The following PALM2AKAP2 variants were observed in gnomAD, a reference collection of about 807,000 sequenced individuals.
PALM2AKAP2 encodes the protein PALM2 and AKAP2 fusion.
Under a neutral mutation model 71.5 loss-of-function variants are expected in PALM2AKAP2, and 37 were observed. The ratio of observed to expected loss-of-function variants is 0.52; its 90% CI spans 0.40 to 0.68. The LOEUF is 0.68. Among genes scored for constraint, PALM2AKAP2 ranks in the 30% least tolerant of loss-of-function variants. PALM2AKAP2 has a pLI of 0.00. For synonymous variants in PALM2AKAP2, 468 were observed against 478.8 expected, an observed-to-expected ratio of 0.98 and a Z score of 0.29; for missense variants, 1,224 against 1,191.8, an observed-to-expected ratio of 1.03 and a Z score of -0.40.
chr9:109,793,455 G>A lies in PALM2AKAP2; in HGVS notation c.45+12922G>A, dbSNP rs547137250. Among the ~76,000 whole-genome samples the A allele has an allele frequency of 3.9e-5, 6 of 152,354 alleles. No homozygotes were observed. The South Asian group carries it at 1.0e-3, about 26-fold the overall frequency. On this transcript the variant is annotated intron_variant, in intron 1 of 9. Transcript: ENST00000302798. ...CAGTGCCCTGTGGTGGGTAGAAGATGAGTCACACAGTGATCACAACCAGAT... is the reference window on the plus strand; with the variant it reads ...CAGTGCCCTGTGGTGGGTAGAAGATAAGTCACACAGTGATCACAACCAGAT...
chr9:110,129,448 A>G (rs189985788), intron 1 of PALM2AKAP2, among the ~76,000 whole-genome samples: 2 of 152,340 alleles, frequency 1.3e-5, no homozygotes, highest in East Asian at 3.9e-4. Flanking sequence ...CCACCTTCAA[A>G]TCCTGGCTAG....
intron 1 of PALM2AKAP2, among the ~76,000 whole-genome samples, chr9:109,844,440 T>A (rs1360309852): frequency 6.6e-6 from 1 of 152,128 alleles, no homozygotes; most frequent in Admixed American, 6.5e-5. Context: ...GGAAAAAAAA[T>A]AGTGCAACCC....
rs139246251 is a variant in PALM2AKAP2, at chr9:110,015,995, G to A, written c.538G>A (p.Ala180Thr). The change falls in exon 7 of 10, where the codon GCC (alanine) becomes ACC (threonine). Residue 180 changes from alanine to threonine, a missense_variant. Transcript: ENST00000302798. ...TGTGCTGCTAAAGGAAGGTGAGTCA[G>A]CCTCGAACGCCACAGAAACATCCGG... is the stretch of plus-strand genomic sequence containing the variant. 47 of 1,613,956 alleles carry A rather than the reference G, an allele frequency of 2.9e-5. No individual in the cohort carries two copies. The African/African-American group carries it at 4.9e-4, about 17-fold the overall frequency.
Position 110,138,187 on chromosome 9 carries a change from G to A in PALM2AKAP2, c.2217G>A (p.Ala739=), listed in dbSNP as rs12338163. 7,794 of 1,613,910 alleles carry A rather than the reference G, an allele frequency of 4.8e-3. 310 individuals carry two copies. The African/African-American group carries it at 0.092, about 19-fold the overall frequency. Residue 739 remains alanine, a synonymous_variant, in exon 2 of 4, where the codon GCG becomes GCA. Transcript: ENST00000374525. ...AGATTCTGCCTGCTGAAGACAGGGC[G>A]CTCAGGGAAAGGGGGCCCCCCCAGC... is the stretch of plus-strand genomic sequence containing the variant.
At chr9:109,961,648 G>C (rs547185570) in intron 6 of PALM2AKAP2, among the ~76,000 whole-genome samples, 2 of 152,344 alleles carry the variant, frequency 1.3e-5, no homozygotes, top group East Asian at 3.9e-4. Context: ...GGGCATCTCT[G>C]CTTTGTCAAC....
At chr9:110,024,943 C>G in intron 7 of PALM2AKAP2, 1 of 1,394,550 alleles carries the variant, frequency 7.2e-7, no homozygotes, top group Non-Finnish European at 1.0e-6. Context: ...TTGGTTCTCA[C>G]AAAGTGTGCT....
intron 1 of PALM2AKAP2, among the ~76,000 whole-genome samples, chr9:109,667,141 A>T (rs538995593): frequency 2.8e-4 from 42 of 152,274 alleles, no homozygotes; most frequent in African/African-American, 9.6e-4. Context: ...TCAATTGAAG[A>T]TTCATAGGCC....
At chr9:110,153,570 A>G (rs1318904380) in intron 2 of PALM2AKAP2, among the ~76,000 whole-genome samples, 1 of 152,248 alleles carries the variant, frequency 6.6e-6, no homozygotes, top group Non-Finnish European at 1.5e-5. Flanking sequence ...GTCCCAATCC[A>G]TAAGCATTTA....
rs1246579363 is a variant in PALM2AKAP2, at chr9:109,772,383, T to C, written c.6-8105T>C. On this transcript the variant is annotated intron_variant, in intron 1 of 6. Coordinates refer to the PALM2AKAP2 transcript ENST00000374531. The stretch of plus-strand genomic sequence containing the variant: ...CCCACCTCCCCAAGTATGCCTTCTC[T>C]AGTGGGATAAATTTAGCTCTGAATG... 2.6e-5 allele frequency among the ~76,000 whole-genome samples: 4 copies of C among 152,322 alleles called. No individual in the cohort carries two copies. The South Asian group carries it at 8.3e-4, about 32-fold the overall frequency.
At chr9:110,102,124 C>A (rs1835013905) in intron 1 of PALM2AKAP2, among the ~76,000 whole-genome samples, 1 of 152,338 alleles carries the variant, frequency 6.6e-6, no homozygotes, top group Non-Finnish European at 1.5e-5. Context: ...AGATTTGAAA[C>A]CAGTTTTTGA....
intron 1 of PALM2AKAP2, among the ~76,000 whole-genome samples, chr9:110,120,382 G>A (rs1835455929): frequency 6.6e-6 from 1 of 152,086 alleles, no homozygotes; most frequent in Non-Finnish European, 1.5e-5. Context: ...CAGGGGATGG[G>A]GACATTTTAT....
chr9:109,651,223 A>G (rs1166271235), intron 1 of PALM2AKAP2, among the ~76,000 whole-genome samples: 1 of 152,160 alleles, frequency 6.6e-6, no homozygotes, highest in Non-Finnish European at 1.5e-5. Context: ...AGGTCAGTGT[A>G]CGGTTTAATC....
intron 5 of PALM2AKAP2, among the ~76,000 whole-genome samples, chr9:109,931,659 C>T (rs1335364662): frequency 2.6e-5 from 4 of 152,200 alleles, no homozygotes; most frequent in African/African-American, 4.8e-5. Context: ...ACTCATTGTC[C>T]TCCTAGAATC....
intron 1 of PALM2AKAP2, among the ~76,000 whole-genome samples, chr9:109,808,881 G>T (rs1827650002): frequency 6.6e-6 from 1 of 152,236 alleles, no homozygotes; most frequent in Non-Finnish European, 1.5e-5. Context: ...AGAGGCCAAT[G>T]TAGAGTTCAG....
At chr9:109,660,326 C>T (rs1827372879) in intron 1 of PALM2AKAP2, among the ~76,000 whole-genome samples, 1 of 152,134 alleles carries the variant, frequency 6.6e-6, no homozygotes, top group Admixed American at 6.5e-5. Context: ...AGGTATTTCT[C>T]CTAATGCTAT....
chr9:109,680,370 C>A (rs1827710855), intron 1 of PALM2AKAP2, among the ~76,000 whole-genome samples: 1 of 152,206 alleles, frequency 6.6e-6, no homozygotes, highest in African/African-American at 2.4e-5. Flanking sequence ...CACCTGCTCC[C>A]AACACATGGC....
At chr9:109,902,341 G>A (rs1295850122) in intron 3 of PALM2AKAP2, among the ~76,000 whole-genome samples, 1 of 152,342 alleles carries the variant, frequency 6.6e-6, no homozygotes, top group African/African-American at 2.4e-5. Context: ...CAGCATCAGA[G>A]AGCTTGTCCT....
At chr9:109,656,402 CT>C (rs1827308132) in intron 1 of PALM2AKAP2, among the ~76,000 whole-genome samples, 1 of 152,302 alleles carries the variant, frequency 6.6e-6, no homozygotes, top group South Asian at 2.1e-4. Flanking sequence ...ACATATCTTC[CT>C]TTTGCAAACT....
At chr9:110,029,100 C>G (rs1344665871) in intron 7 of PALM2AKAP2, among the ~76,000 whole-genome samples, 1 of 152,186 alleles carries the variant, frequency 6.6e-6, no homozygotes, top group Non-Finnish European at 1.5e-5. Flanking sequence ...GAATCCAAAT[C>G]TGATCCATGC....
Sources: gnomAD v4.1 joint callset for allele counts (sites outside exome capture counted in the v4.1 genomes callset) on GRCh38, gnomAD v4.1.1 for gene constraint, MANE v1.5 for transcripts, NCBI Gene and HGNC (gene_info 2026-07-23, HGNC 2026-07-21) for gene names.